SLC18A2: variants seen among roughly 807,000 people sequenced by gnomAD.
SLC18A2 encodes solute carrier family 18 member A2.
Under a neutral mutation model 59.2 loss-of-function variants are expected in SLC18A2, and 33 were observed. The observed-to-expected ratio is 0.56, with a 90% CI of 0.42 to 0.75. The LOEUF is 0.75. SLC18A2 is among the 30% of genes least tolerant of loss of function. The probability of loss-of-function intolerance (pLI) is 0.00; values close to 1 mark genes in which losing one functional copy is unlikely to be tolerated. For synonymous variants in SLC18A2, 228 were observed against 253.5 expected (o/e 0.90, Z 0.95); for missense variants, 569 against 668.6 (o/e 0.85, Z 1.64).
chr10:117,254,955 C>A (rs554034684), intron 6 of SLC18A2, among the ~76,000 whole-genome samples: 1 of 152,204 alleles, frequency 6.6e-6, no homozygotes, highest in Admixed American at 6.5e-5. Flanking sequence ...GCCTTGCCTG[C>A]GCTGGTGTAC....
At chr10:117,276,630 A>AAAAAAAAAAAAAG (rs1445853665) in intron 15 of SLC18A2, among the ~76,000 whole-genome samples, 3 of 22,312 alleles carry the variant, frequency 1.3e-4, no homozygotes, top group African/African-American at 3.2e-4. Context: ...AAAAAAAAAA[A>AAAAAAAAAAAAAG]AAAGAAAGAA....
rs774727327 is a variant in SLC18A2, at chr10:117,279,126, T to C, written c.*1860T>C. 6.6e-6 allele frequency: 1 copy of C among 152,206 alleles called. No homozygotes were observed. The highest frequency in any genetic ancestry group is 1.5e-5 in the Non-Finnish European group (1 of 68,040). The allele number at this position is 152,206 out of a possible 1,614,324, so 9.4% of individuals were successfully genotyped here. ...ATAAGATAAAATATAAATAAAACCT[T>C]CAGAACTGTTTTGGAGCAAAAGATA... On this transcript the variant is annotated 3_prime_UTR_variant, in exon 16 of 16. Transcript: ENST00000644641.
At position 117,270,602 on chromosome 10, in the gene SLC18A2, G is replaced by T. The variant is rs577642084; in HGVS notation, c.1440+139G>T. The T allele has an allele frequency of 9.0e-5, 80 of 891,298 alleles. No individual in the cohort carries two copies. The African/African-American group carries it at 1.3e-3, about 14-fold the overall frequency. The allele number at this position is 891,298 out of a possible 1,614,324, so 55.2% of individuals were successfully genotyped here. A position where few individuals can be genotyped will look rare whatever the true frequency, so the allele number is the denominator to read the frequency against. On this transcript the variant is annotated intron_variant, in intron 15 of 15. Transcript: ENST00000644641. The stretch of plus-strand genomic sequence containing the variant: ...TTTTTAGTTTGTACCACATAGAGCA[G>T]TTACTTCTTTTATTTTTTTATTACT...
chr10:117,244,325 T>A lies in SLC18A2; in HGVS notation c.464+12T>A. 6.2e-7 allele frequency: 1 copy of A among 1,603,002 alleles called. No individual in the cohort carries two copies. Among genetic ancestry groups the A allele is most frequent in the Non-Finnish European group, 8.5e-7 (1 of 1,172,474 alleles). On this transcript the variant is annotated intron_variant, in intron 3 of 15. Transcript: ENST00000644641. ...CTACTGACCAACAGGTAGGGCAGAC[T>A]ACTTTAGTCAAAGAGTTTGATATTT...
At position 117,275,795 on chromosome 10, in the gene SLC18A2, A is replaced by C. The variant is rs1470970471; in HGVS notation, c.1441-1367A>C. On this transcript the variant is annotated intron_variant, in intron 15 of 15. Transcript: ENST00000644641. ...AAGCAGAGCAGCACGTTTTTGTCAC[A>C]GTTTTTAAATTTTCAGTAACAATAA... Among the ~76,000 whole-genome samples, 5 of 152,342 alleles carry C rather than the reference A, an allele frequency of 3.3e-5. No homozygotes were observed. The East Asian group carries it at 9.7e-4, about 29-fold the overall frequency.
chr10:117,272,033 G>T (rs1218195379), intron 15 of SLC18A2, among the ~76,000 whole-genome samples: 1 of 152,174 alleles, frequency 6.6e-6, no homozygotes, highest in Non-Finnish European at 1.5e-5. Flanking sequence ...GGCTAGCATG[G>T]GCCTGGGAGC....
chr10:117,244,658 G>A (rs1211280640), intron 3 of SLC18A2, among the ~76,000 whole-genome samples: 1 of 152,224 alleles, frequency 6.6e-6, no homozygotes, highest in Admixed American at 6.5e-5. Context: ...AGCCACCATG[G>A]CTGTCATCCT....
At chr10:117,252,145 T>C (rs1418382917) in intron 3 of SLC18A2, among the ~76,000 whole-genome samples, 4 of 134,096 alleles carry the variant, frequency 3.0e-5, no homozygotes, top group African/African-American at 1.3e-4. Flanking sequence ...TTTTTTTTTT[T>C]TTTTTTTTTT....
At chr10:117,265,481 C>A (rs1275040180) in intron 10 of SLC18A2, among the ~76,000 whole-genome samples, 1 of 151,974 alleles carries the variant, frequency 6.6e-6, no homozygotes, top group Admixed American at 6.6e-5. Context: ...TATGTGTGGG[C>A]AAGGCTTGGA....
intron 15 of SLC18A2, among the ~76,000 whole-genome samples, chr10:117,275,502 T>C (rs1844476636): frequency 6.6e-6 from 1 of 152,202 alleles, no homozygotes; most frequent in African/African-American, 2.4e-5. Context: ...ACTCAAGACA[T>C]ACCTGATAAT....
In SLC18A2 at chr10:117,261,970, C is replaced by T. The variant is rs189223789; in HGVS notation, c.991+4078C>T. ...TTGCCCAGGCTGGAGTGCAGTGGCA[C>T]GATCTCAGCTCACTGCAACCTCTGC... On this transcript the variant is annotated intron_variant, in intron 10 of 15. Coordinates refer to ENST00000644641, the MANE Select transcript of SLC18A2 (RefSeq NM_003054.6). Among the ~76,000 whole-genome samples the T allele has an allele frequency of 1.4e-3, 210 of 152,010 alleles. No individual in the cohort carries two copies. The East Asian group carries it at 0.021, about 15-fold the overall frequency.
intron 2 of SLC18A2, among the ~76,000 whole-genome samples, chr10:117,242,979 G>A (rs539242800): frequency 1.3e-5 from 2 of 152,130 alleles, no homozygotes; most frequent in Non-Finnish European, 2.9e-5. Flanking sequence ...TGATCTACCC[G>A]CCTCGACCTC....
At chr10:117,276,644 A>AGGAAAGAAAGAC (rs1554953562) in intron 15 of SLC18A2, among the ~76,000 whole-genome samples, 1 of 132,750 alleles carries the variant, frequency 7.5e-6, no homozygotes, top group Non-Finnish European at 1.6e-5. Context: ...GAAAGAAAGA[A>AGGAAAGAAAGAC]AGAAAGAAAA....
chr10:117,274,720 T>C (rs1844465311), intron 15 of SLC18A2, among the ~76,000 whole-genome samples: 1 of 152,136 alleles, frequency 6.6e-6, no homozygotes, highest in Non-Finnish European at 1.5e-5. Flanking sequence ...TTTCCATCTT[T>C]CAAAGTTTAC....
intron 14 of SLC18A2, 43 bp downstream of exon 14, chr10:117,270,233 G>T (rs363272): frequency 2.1e-5 from 34 of 1,613,462 alleles, no homozygotes; most frequent in South Asian, 6.6e-5. Context: ...ACCTCAATAC[G>T]TAATGGATAA....
chr10:117,257,758 G>A, intron 9 of SLC18A2, 39 bp from the exon 10 acceptor site: 3 of 1,372,230 alleles, frequency 2.2e-6, no homozygotes, highest in Non-Finnish European at 3.0e-6. Context: ...AATGAGAGAG[G>A]AGGCAGAAGC....
Position 117,279,082 on chromosome 10 carries a change from C to T in SLC18A2, c.*1816C>T, listed in dbSNP as rs2133752453. ...GCAAGAAGGCCTGGCAAAGGTATGC[C>T]TGCTGTTGGTCCCTCGGGATAAGAT... On this transcript the variant is annotated 3_prime_UTR_variant, in exon 16 of 16. Transcript: ENST00000644641. 1 of 152,304 alleles carries T rather than the reference C, an allele frequency of 6.6e-6. No homozygotes were observed. The highest frequency in any genetic ancestry group is 2.4e-5 in the African/African-American group (1 of 41,572). The allele number at this position is 152,304 out of a possible 1,614,324, so 9.4% of individuals were successfully genotyped here.
At chr10:117,268,051 A>G (rs1006030149) in intron 13 of SLC18A2, 3 of 268,368 alleles carry the variant, frequency 1.1e-5, no homozygotes, top group African/African-American at 2.1e-5. Flanking sequence ...ACTCCTCCCT[A>G]TGAGCAGGTC....
chr10:117,270,136 T>A lies in SLC18A2; in HGVS notation c.1252T>A (p.Tyr418Asn). The A allele has an allele frequency of 6.2e-7, 1 of 1,614,244 alleles. No individual in the cohort carries two copies. The highest frequency in any genetic ancestry group is 8.5e-7 in the Non-Finnish European group (1 of 1,180,038). ...CGTAGACCTGCGGCACGTGTCCGTC[T>A]ATGGGAGTGTGTACGCCATTGCGGA... ...YLVDLRHVSVYGSVYAIADVA... is the reference protein window; with the variant it reads ...YLVDLRHVSVNGSVYAIADVA... The change falls in exon 14 of 16, where the codon TAT becomes AAT. Residue 418 changes from tyrosine to asparagine, a missense_variant. This residue lies in a region of SLC18A2 where 192 missense variants were observed against 278.8 expected (regional missense o/e 0.69). Coordinates refer to ENST00000644641, the MANE Select transcript of SLC18A2 (RefSeq NM_003054.6).
Sources: allele counts gnomAD v4.1 joint callset (sites outside exome capture counted in the v4.1 genomes callset), GRCh38; gene constraint gnomAD v4.1.1; regional missense constraint gnomAD v4.1.1; transcripts MANE v1.5; gene names NCBI Gene and HGNC (gene_info 2026-07-23, HGNC 2026-07-21).